The following STON2 variants were observed in gnomAD, a reference collection of about 807,000 sequenced individuals.
STON2 encodes stonin-2.
In STON2, 29 loss-of-function variants were observed where a neutral mutation model predicts 65.7. The observed-to-expected ratio is 0.44, with a 90% CI of 0.33 to 0.60. The LOEUF is 0.60. STON2 is among the 20% of genes least tolerant of loss of function. STON2 has a pLI of 0.03. For missense variants in STON2, 1,054 were observed against 1,118.1 expected (o/e 0.94, Z 0.82); for synonymous variants, 404 against 414.2 (o/e 0.98, Z 0.30).
intron 2 of STON2, among the ~76,000 whole-genome samples, chr14:81,417,700 A>T (rs3900647): frequency 0.039 from 5,984 of 152,312 alleles, 154 homozygotes; most frequent in South Asian, 0.075. Flanking sequence ...GTGAAAAGTT[A>T]GATTTTAGAG....
chr14:81,366,352 T>A (rs1005796689), intron 4 of STON2, among the ~76,000 whole-genome samples: 4 of 152,108 alleles, frequency 2.6e-5, no homozygotes, highest in African/African-American at 9.7e-5. Context: ...GGCAGCCCAC[T>A]ACCAAGCAAG....
chr14:81,350,622 A>G (rs750087668), intron 4 of STON2, among the ~76,000 whole-genome samples: 8 of 152,112 alleles, frequency 5.3e-5, no homozygotes, highest in Non-Finnish European at 7.4e-5. Flanking sequence ...TAATACTTCT[A>G]GGCCTTGGCT....
intron 4 of STON2, among the ~76,000 whole-genome samples, chr14:81,366,863 G>A (rs1380435486): frequency 2.0e-5 from 3 of 152,088 alleles, no homozygotes; most frequent in South Asian, 2.1e-4. Context: ...ACTTGGCACT[G>A]TACGAAACAC....
chr14:81,316,338 G>A (rs1896618941), intron 5 of STON2, among the ~76,000 whole-genome samples: 1 of 152,274 alleles, frequency 6.6e-6, no homozygotes. Context: ...ATGCAGTTTA[G>A]GAATGACCTA....
At chr14:81,415,199 T>G (rs1360952526) in intron 2 of STON2, among the ~76,000 whole-genome samples, 1 of 151,618 alleles carries the variant, frequency 6.6e-6, no homozygotes, top group Non-Finnish European at 1.5e-5. Context: ...TGCCATCCTA[T>G]AGATGAGGTA....
intron 3 of STON2, among the ~76,000 whole-genome samples, chr14:81,375,585 A>G (rs1899214563): frequency 6.6e-6 from 1 of 152,084 alleles, no homozygotes; most frequent in Non-Finnish European, 1.5e-5. Flanking sequence ...GTCCATCATC[A>G]TAATGGAAGA....
intron 2 of STON2, among the ~76,000 whole-genome samples, chr14:81,410,967 C>T (rs1487180747): frequency 6.6e-6 from 1 of 152,222 alleles, no homozygotes; most frequent in Non-Finnish European, 1.5e-5. Context: ...CAAAATTACA[C>T]ATGTCGCACT....
chr14:81,319,169 A>T (rs561931071), intron 5 of STON2, among the ~76,000 whole-genome samples: 1 of 152,246 alleles, frequency 6.6e-6, no homozygotes, highest in Non-Finnish European at 1.5e-5. Context: ...ACATTGTTGT[A>T]TAAAACAGAT....
intron 4 of STON2, among the ~76,000 whole-genome samples, chr14:81,326,795 C>A (rs1187498528): frequency 1.3e-5 from 2 of 152,206 alleles, no homozygotes; most frequent in African/African-American, 4.8e-5. Flanking sequence ...AGGCTTTCAA[C>A]ATCATTCCAT....
upstream of STON2, among the ~76,000 whole-genome samples, chr14:81,400,500 C>T (rs1273462979): frequency 4.0e-5 from 3 of 75,222 alleles, no homozygotes; most frequent in African/African-American, 1.2e-4. Context: ...AAAAAAAACC[C>T]ACAATACAAG....
In STON2 at chr14:81,380,217, G is replaced by A. The variant is rs116722237; in HGVS notation, c.374-9032C>T. Among the ~76,000 whole-genome samples, 795 of 152,126 alleles carry A rather than the reference G, an allele frequency of 5.2e-3. 6 individuals carry two copies. Among genetic ancestry groups the A allele is most frequent in the African/African-American group, 0.018 (744 of 41,500 alleles). ...ACTTCTCAAAAGAAGATAAACATACGGCAAACAAGCATATGAAAAAATGCT... is the reference window on the plus strand; with the variant it reads ...ACTTCTCAAAAGAAGATAAACATACAGCAAACAAGCATATGAAAAAATGCT... On this transcript the variant is annotated intron_variant, in intron 3 of 7. Transcript: ENST00000614646.
At chr14:81,422,492 G>A (rs148969233) in intron 2 of STON2, among the ~76,000 whole-genome samples, 54 of 152,212 alleles carry the variant, frequency 3.5e-4, no homozygotes, top group African/African-American at 1.3e-3. Flanking sequence ...TTCCTTAACA[G>A]CAACACAAAC....
chr14:81,403,469 C>A (rs1900699196), upstream of STON2, among the ~76,000 whole-genome samples: 1 of 152,172 alleles, frequency 6.6e-6, no homozygotes, highest in South Asian at 2.1e-4. Context: ...GGCAATTAAT[C>A]CAGGCTTTGT....
At chr14:81,433,023 A>G (rs1024018072) in intron 1 of STON2, among the ~76,000 whole-genome samples, 1 of 152,218 alleles carries the variant, frequency 6.6e-6, no homozygotes, top group African/African-American at 2.4e-5. Context: ...CCCAGACCAG[A>G]CTGACTGATT....
intron 4 of STON2, among the ~76,000 whole-genome samples, chr14:81,348,136 G>C (rs1174745035): frequency 6.6e-6 from 1 of 151,846 alleles, no homozygotes; most frequent in Non-Finnish European, 1.5e-5. Context: ...CATAATAAAG[G>C]CCTTATGTGA....
rs190937160 is a variant in STON2, at chr14:81,429,469, C to G, written c.-309-2257G>C. 5.6e-3 allele frequency among the ~76,000 whole-genome samples: 859 copies of G among 152,312 alleles called. 4 individuals are homozygous for G. Among genetic ancestry groups the G allele is most frequent in the Non-Finnish European group, 9.8e-3 (669 of 68,032 alleles). On this transcript the variant is annotated intron_variant, in intron 1 of 8. Transcript: ENST00000553821. ...GCTCCAAAGTGCTTTCCTATTAATA[C>G]AATGAACATGTTAAGAGGGCCAAAT...
chr14:81,395,780 G>T, intron 3 of STON2, 114 bp downstream of exon 3: 1 of 1,077,280 alleles, frequency 9.3e-7, no homozygotes, highest in Non-Finnish European at 1.4e-6. Flanking sequence ...TATGCGACCA[G>T]TGCTTCAGGG....
At chr14:81,363,984 T>C (rs1595397948) in intron 4 of STON2, among the ~76,000 whole-genome samples, 1 of 152,190 alleles carries the variant, frequency 6.6e-6, no homozygotes, top group South Asian at 2.1e-4. Flanking sequence ...CAGGCGATGA[T>C]CTTATTAAAT....
At chr14:81,313,423 G>A (rs1301643030) in intron 5 of STON2, among the ~76,000 whole-genome samples, 3 of 151,940 alleles carry the variant, frequency 2.0e-5, no homozygotes, top group South Asian at 2.1e-4. Flanking sequence ...GTGCAGATAC[G>A]ATGGTGAACA....
Sources: gnomAD v4.1 joint callset for allele counts (sites outside exome capture counted in the v4.1 genomes callset) on GRCh38, gnomAD v4.1.1 for gene constraint, MANE v1.5 for transcripts, NCBI Gene and HGNC (gene_info 2026-07-23, HGNC 2026-07-21) for gene names.